The following UGT8 variants were observed in gnomAD, a reference collection of about 807,000 sequenced individuals.
UGT8 encodes 2-hydroxyacylsphingosine 1-beta-galactosyltransferase.
Under a neutral mutation model 40.5 loss-of-function variants are expected in UGT8, and 12 were observed. That is an observed-to-expected ratio of 0.30 (90% CI 0.19 to 0.48). The LOEUF is 0.48. UGT8 is among the 20% of genes least tolerant of loss of function. The pLI is 0.99. For synonymous variants in UGT8, 224 were observed against 240.4 expected (o/e 0.93, Z 0.63); for missense variants, 513 against 648.7 (o/e 0.79, Z 2.27).
chr4:114,621,568 A>C (rs1731792355), intron 1 of UGT8, among the ~76,000 whole-genome samples: 2 of 152,212 alleles, frequency 1.3e-5, no homozygotes. Flanking sequence ...CATTGAATTA[A>C]AATGATTTAA....
At chr4:114,628,068 C>G (rs541722307) in intron 2 of UGT8, among the ~76,000 whole-genome samples, 2 of 152,078 alleles carry the variant, frequency 1.3e-5, no homozygotes, top group Non-Finnish European at 2.9e-5. Flanking sequence ...TCTGTTTGTT[C>G]TAAATTTGTG....
intron 2 of UGT8, among the ~76,000 whole-genome samples, chr4:114,641,193 A>G (rs1733201498): frequency 6.6e-6 from 1 of 152,236 alleles, no homozygotes; most frequent in South Asian, 2.1e-4. Context: ...ATTGCTGCTA[A>G]AAGAACCACA....
rs1730260832 is a variant in UGT8 at position 114,598,942 on chromosome 4, A to C, written c.-35A>C. ...GGATACAATTACGCGGCAGACACAC[A>C]CTCAAACTCGCGCGGGGCAGCCAAG... is the stretch of plus-strand genomic sequence containing the variant. On this transcript the variant is annotated 5_prime_UTR_variant, in exon 1 of 6. Transcript: ENST00000310836. 6.6e-6 allele frequency: 1 copy of C among 151,756 alleles called. No homozygotes were observed. The highest frequency in any genetic ancestry group is 2.4e-5 in the African/African-American group (1 of 41,166). 9.4% of individuals were successfully genotyped at this position (151,756 alleles called of 1,614,324 possible).
At chr4:114,650,702 T>C (rs937974154) in intron 2 of UGT8, among the ~76,000 whole-genome samples, 1 of 152,158 alleles carries the variant, frequency 6.6e-6, no homozygotes, top group African/African-American at 2.4e-5. Flanking sequence ...ATATTCAGTT[T>C]GTCACAATCA....
intron 1 of UGT8, among the ~76,000 whole-genome samples, chr4:114,613,567 G>T (rs1731215492): frequency 6.6e-6 from 1 of 152,104 alleles, no homozygotes; most frequent in African/African-American, 2.4e-5. Context: ...GGAATCTGGG[G>T]CTATGTGCAT....
intron 1 of UGT8, among the ~76,000 whole-genome samples, chr4:114,615,887 A>G (rs1306954411): frequency 1.1e-5 from 1 of 90,154 alleles, no homozygotes; most frequent in Non-Finnish European, 3.1e-5. Flanking sequence ...TTGCCTGGGT[A>G]TCAGGCAGCA....
rs1042661214 is a variant in UGT8 at position 114,632,857 on chromosome 4, G to A, written c.822+9155G>A. On this transcript the variant is annotated intron_variant, in intron 2 of 5. Transcript: ENST00000310836. Reference sequence around the variant, plus strand: ...CGAAGTTGCAAAAGTCAATACAGTTGCCTAATTTATTTTGCAAAAATGGAA... The same window carrying A: ...CGAAGTTGCAAAAGTCAATACAGTTACCTAATTTATTTTGCAAAAATGGAA... Among the ~76,000 whole-genome samples, 23 of 152,224 alleles carry A rather than the reference G, an allele frequency of 1.5e-4. 1 individual carries two copies. The highest frequency in any genetic ancestry group is 3.9e-4 in the Admixed American group (6 of 15,288).
intron 5 of UGT8, among the ~76,000 whole-genome samples, chr4:114,672,203 C>T (rs899061721): frequency 6.6e-6 from 1 of 152,128 alleles, no homozygotes; most frequent in Non-Finnish European, 1.5e-5. Context: ...GAAATAGGAA[C>T]GCTTTATGCT....
chr4:114,637,617 A>G (rs1300323012), intron 2 of UGT8, among the ~76,000 whole-genome samples: 1 of 152,194 alleles, frequency 6.6e-6, no homozygotes, highest in Non-Finnish European at 1.5e-5. Context: ...AAAGAAAGTC[A>G]CAAAGACATT....
chr4:114,677,320 A>G lies in UGT8; in HGVS notation c.*1032A>G, dbSNP rs749755419. ...TGATCCCTTTTATTGTCTGGGCCAT[A>G]CAATCTATATTACATAGGTGCCAAC... On this transcript the variant is annotated 3_prime_UTR_variant, in exon 6 of 6. Coordinates refer to ENST00000310836, the MANE Select transcript of UGT8 (RefSeq NM_001128174.3). The G allele has an allele frequency of 5.3e-5, 8 of 152,214 alleles. No individual in the cohort carries two copies. The highest frequency in any genetic ancestry group is 8.8e-5 in the Non-Finnish European group (6 of 68,036). The allele number at this position is 152,214 out of a possible 1,614,324, so 9.4% of individuals were successfully genotyped here.
intron 3 of UGT8, 82 bp downstream of exon 3, chr4:114,664,219 G>T: frequency 6.8e-7 from 1 of 1,465,482 alleles, no homozygotes. Context: ...GTAAAGCACA[G>T]CACATTGTTT....
chr4:114,646,752 A>C (rs1332732296), intron 2 of UGT8, among the ~76,000 whole-genome samples: 1 of 152,204 alleles, frequency 6.6e-6, no homozygotes, highest in African/African-American at 2.4e-5. Context: ...CTAATAATTC[A>C]TGATTATGAT....
chr4:114,667,224 T>C (rs1734944158), intron 4 of UGT8, among the ~76,000 whole-genome samples: 1 of 152,160 alleles, frequency 6.6e-6, no homozygotes, highest in African/African-American at 2.4e-5. Context: ...CCATACATAT[T>C]AATTTTGTAC....
chr4:114,671,010 C>T (rs1194290309), intron 5 of UGT8, among the ~76,000 whole-genome samples: 2 of 152,018 alleles, frequency 1.3e-5, no homozygotes, highest in African/African-American at 2.4e-5. Flanking sequence ...TTCTTTTACA[C>T]CAACAATAGG....
intron 1 of UGT8, among the ~76,000 whole-genome samples, chr4:114,610,131 G>C (rs1578401982): frequency 6.6e-6 from 1 of 152,106 alleles, no homozygotes; most frequent in East Asian, 1.9e-4. Flanking sequence ...TGACAACTTT[G>C]GAGGGTGTTT....
intron 2 of UGT8, among the ~76,000 whole-genome samples, chr4:114,636,950 A>G (rs1732922452): frequency 6.6e-6 from 1 of 152,342 alleles, no homozygotes; most frequent in African/African-American, 2.4e-5. Flanking sequence ...CATTCATTCA[A>G]CACTATGTGT....
intron 1 of UGT8, among the ~76,000 whole-genome samples, chr4:114,599,346 G>C (rs1170440928): frequency 2.6e-5 from 4 of 152,120 alleles, no homozygotes; most frequent in African/African-American, 9.7e-5. Flanking sequence ...CCTTGTACTT[G>C]ACCCCTGAAG....
intron 2 of UGT8, among the ~76,000 whole-genome samples, chr4:114,635,517 T>G (rs1732835953): frequency 6.6e-6 from 1 of 152,238 alleles, no homozygotes; most frequent in Admixed American, 6.5e-5. Flanking sequence ...ATATACATAA[T>G]TTTCTTACCT....
At chr4:114,647,121 A>T (rs573637908) in intron 2 of UGT8, among the ~76,000 whole-genome samples, 60 of 152,352 alleles carry the variant, frequency 3.9e-4, no homozygotes, top group African/African-American at 1.4e-3. Flanking sequence ...TGACACCTGT[A>T]GAGATTTTAT....
Sources: gnomAD v4.1 joint callset for allele counts (sites outside exome capture counted in the v4.1 genomes callset) on GRCh38, gnomAD v4.1.1 for gene constraint, MANE v1.5 for transcripts, NCBI Gene and HGNC (gene_info 2026-07-23, HGNC 2026-07-21) for gene names.